The following SNX29 variants were observed in gnomAD, a reference collection of about 807,000 sequenced individuals.
SNX29 encodes the protein sorting nexin-29.
A neutral mutation model predicts 102.1 loss-of-function variants in SNX29; 78 were observed. That is an observed-to-expected ratio of 0.76 (90% confidence interval 0.64 to 0.92). SNX29 has a LOEUF of 0.92. Among genes scored for constraint, SNX29 ranks in the 40% least tolerant of loss-of-function variants. The probability of loss-of-function intolerance (pLI) is 0.00; values close to 1 mark genes in which losing one functional copy is unlikely to be tolerated. For synonymous variants in SNX29, 580 were observed against 414.5 expected, an observed-to-expected ratio of 1.40 and a Z score of -4.85; for missense variants, 1,280 against 1,061.7, an observed-to-expected ratio of 1.21 and a Z score of -2.86.
intron 1 of SNX29, among the ~76,000 whole-genome samples, chr16:11,995,550 T>TC (rs760242694): frequency 5.2e-4 from 75 of 144,954 alleles, no homozygotes; most frequent in African/African-American, 1.0e-3. Flanking sequence ...TTTCTTTTCT[T>TC]CCCCCCCCAC....
intron 1 of SNX29, among the ~76,000 whole-genome samples, chr16:11,984,619 CCTCCCTCT>C (rs1271834535): frequency 1.3e-5 from 2 of 151,824 alleles, no homozygotes; most frequent in Admixed American, 6.6e-5. Context: ...CTCTCCCTCT[CCTCCCTCT>C]CTCCCTCTCT....
chr16:12,297,652 C>A lies in SNX29; in HGVS notation c.1782+19616C>A, dbSNP rs567156776. The stretch of plus-strand genomic sequence containing the variant: ...ATGGATGTGTTAATTTAATTGCATT[C>A]GTCATAACACAGTGTACACATACTT... On this transcript the variant is annotated intron_variant, in intron 15 of 20. Transcript: ENST00000566228. 2.6e-4 allele frequency among the ~76,000 whole-genome samples: 40 copies of A among 152,188 alleles called. No homozygotes were observed. The South Asian group carries it at 7.9e-3, about 30-fold the overall frequency.
chr16:12,191,871 C>A (rs1355606133), intron 13 of SNX29, among the ~76,000 whole-genome samples: 1 of 152,202 alleles, frequency 6.6e-6, no homozygotes, highest in African/African-American at 2.4e-5. Context: ...GATAGCCTTG[C>A]CACTGGGCCA....
At chr16:12,549,205 G>A (rs980321778) in intron 20 of SNX29, among the ~76,000 whole-genome samples, 1 of 152,172 alleles carries the variant, frequency 6.6e-6, no homozygotes, top group Non-Finnish European at 1.5e-5. Flanking sequence ...CCCTCACGAT[G>A]CTTGTGTCTG....
chr16:12,451,721 G>A (rs767672546), intron 18 of SNX29, among the ~76,000 whole-genome samples: 10 of 152,112 alleles, frequency 6.6e-5, no homozygotes, highest in African/African-American at 2.2e-4. Context: ...AAAATTAGCC[G>A]GGCATGGTGA....
At chr16:12,157,865 G>A (rs752462230) in intron 13 of SNX29, among the ~76,000 whole-genome samples, 3 of 152,156 alleles carry the variant, frequency 2.0e-5, no homozygotes, top group South Asian at 2.1e-4. Context: ...CCGTCTGCCC[G>A]AGGGCTGGCT....
At chr16:12,544,355 G>T (rs577265459) in intron 20 of SNX29, among the ~76,000 whole-genome samples, 2 of 152,186 alleles carry the variant, frequency 1.3e-5, no homozygotes, top group Non-Finnish European at 2.9e-5. Flanking sequence ...CTGTTGGAAA[G>T]GAGAAGTGAT....
Position 12,571,837 on chromosome 16 carries a change from T to TGGGA in SNX29, c.*3208_*3209insGGGA, listed in dbSNP as rs2079194309. On this transcript the variant is annotated 3_prime_UTR_variant, in exon 21 of 21. Transcript: ENST00000566228. ...AGCTTCTTTGATTCCCACTTAGCAG[T>TGGGA]ATGCTCCAATCACGTTGCTGGCAAG... 2.9e-6 allele frequency: 3 copies of TGGGA among 1,049,302 alleles called. No homozygotes were observed. The highest frequency in any genetic ancestry group is 1.7e-5 in the African/African-American group (1 of 60,590). The allele number at this position is 1,049,302 out of a possible 1,614,324, so 65.0% of individuals were successfully genotyped here.
At chr16:12,495,263 T>TGCCTCATCCTCCC (rs1374782972) in intron 19 of SNX29, among the ~76,000 whole-genome samples, 2 of 152,208 alleles carry the variant, frequency 1.3e-5, no homozygotes, top group Non-Finnish European at 1.5e-5. Context: ...GCAATCCTCC[T>TGCCTCATCCTCCC]GCCTCATCCT....
chr16:12,072,613 A>G (rs1466407696), intron 10 of SNX29, among the ~76,000 whole-genome samples: 1 of 152,082 alleles, frequency 6.6e-6, no homozygotes, highest in Non-Finnish European at 1.5e-5. Flanking sequence ...CATCAAGGAT[A>G]TTGGTCTAAA....
At chr16:12,330,638 C>T (rs1056834705) in intron 15 of SNX29, among the ~76,000 whole-genome samples, 3 of 152,214 alleles carry the variant, frequency 2.0e-5, no homozygotes, top group African/African-American at 7.2e-5. Flanking sequence ...TCTTTGCAGG[C>T]AGCGGAGCCA....
rs573406792 is a variant in SNX29, at chr16:12,439,323, G to T, written c.2037+35794G>T. Among the ~76,000 whole-genome samples, 84 of 152,352 alleles carry T rather than the reference G, an allele frequency of 5.5e-4. 3 individuals carry two copies. The South Asian group carries it at 0.017, about 31-fold the overall frequency. On this transcript the variant is annotated intron_variant, in intron 18 of 20. Transcript: ENST00000566228. ...GGAAGTCACCAGAGAGGCCAGCGGG[G>T]AGTAGTGGGTCCTGATTTTCCGGTG...
At chr16:12,156,012 C>G (rs530538191) in intron 13 of SNX29, among the ~76,000 whole-genome samples, 1 of 152,198 alleles carries the variant, frequency 6.6e-6, no homozygotes, top group Non-Finnish European at 1.5e-5. Context: ...GACTCCTCCT[C>G]GTGTTCATCT....
intron 7 of SNX29, 116 bp downstream of exon 7, chr16:12,048,736 C>G (rs950634692): frequency 5.2e-6 from 8 of 1,540,606 alleles, no homozygotes; most frequent in East Asian, 2.2e-5. Flanking sequence ...AGTGCACTTG[C>G]GTTTTCCATT....
At chr16:11,998,334 A>T (rs766272606) in intron 1 of SNX29, among the ~76,000 whole-genome samples, 2 of 152,100 alleles carry the variant, frequency 1.3e-5, no homozygotes, top group Non-Finnish European at 2.9e-5. Flanking sequence ...GTGTGGCTCT[A>T]CCAACTGTCT....
At chr16:12,309,507 C>T (rs547995591) in intron 15 of SNX29, among the ~76,000 whole-genome samples, 3 of 152,252 alleles carry the variant, frequency 2.0e-5, no homozygotes, top group Admixed American at 1.3e-4. Context: ...CCAGCAGAGA[C>T]ATTTATTTGT....
Position 12,199,603 on chromosome 16 carries a change from AG to A in SNX29, c.1599del (p.Asn534ThrfsTer8). ...QGMKVQALAR[E>X]NEVLKVQLKK... is the part of the protein sequence containing the mutation. Reference sequence around the variant, plus strand: ...TTTTAACATTCTTGTACCTGCAGAGAGAACGAGGTGCTCAAAGTCCAACTGA... The same window carrying A: ...TTTTAACATTCTTGTACCTGCAGAGAAACGAGGTGCTCAAAGTCCAACTGA... On this transcript the variant is annotated frameshift_variant, in exon 14 of 21. Transcript: ENST00000566228. LOFTEE classifies it high-confidence loss of function. The A allele has an allele frequency of 6.2e-7, 1 of 1,612,240 alleles. No homozygotes were observed.
At position 12,061,543 on chromosome 16, in the gene SNX29, C is replaced by A; in HGVS notation, c.1140C>A (p.Asn380Lys). Residue 380 changes from asparagine to lysine, a missense_variant, in exon 9 of 21, where the codon AAC (asparagine) becomes AAA (lysine). Asn to Lys is a moderately conservative substitution (Grantham distance 94). Coordinates refer to ENST00000566228, the MANE Select transcript of SNX29 (RefSeq NM_032167.5). Reference protein sequence around the residue: ...SESPEKPLEGNTCLSQMHSWA... With the variant: ...SESPEKPLEGKTCLSQMHSWA... ...TTCACCTTAGGCCACTGGAAGGGAA[C>A]ACCTGCCTCTCCCAGATGCACAGCT... is the stretch of plus-strand genomic sequence containing the variant. 1.2e-6 allele frequency: 2 copies of A among 1,604,980 alleles called. No individual in the cohort carries two copies. The highest frequency in any genetic ancestry group is 2.7e-5 in the African/African-American group (2 of 74,880).
intron 5 of SNX29, 41 bp from the exon 6 acceptor site, chr16:12,046,343 C>A: frequency 2.5e-6 from 4 of 1,603,148 alleles, no homozygotes; most frequent in South Asian, 1.1e-5. Context: ...ACACAGAGAA[C>A]CACTGCTAAG....
Sources: gnomAD v4.1 joint callset for allele counts (sites outside exome capture counted in the v4.1 genomes callset) on GRCh38, gnomAD v4.1.1 for gene constraint, MANE v1.5 for transcripts, NCBI Gene and HGNC (gene_info 2026-07-23, HGNC 2026-07-21) for gene names.